The following FAF1 variants were observed in gnomAD, a reference collection of about 807,000 sequenced individuals.
FAF1 encodes the protein FAS-associated factor 1.
A neutral mutation model predicts 92.5 loss-of-function variants in FAF1; 25 were observed. The observed-to-expected ratio is 0.27, with a 90% CI of 0.20 to 0.38. The LOEUF (loss-of-function observed/expected upper bound fraction) is 0.38, where lower values mean the gene tolerates loss of function less well. Ranked by LOEUF, FAF1 falls within the 10% of genes least tolerant of loss-of-function variation. The pLI, the probability that FAF1 is intolerant of heterozygous loss-of-function variation, is 1.00. For missense variants in FAF1, 636 were observed against 793.3 expected (o/e 0.80, Z 2.38); for synonymous variants, 234 against 273.2 (o/e 0.86, Z 1.42).
At chr1:50,614,869 C>A (rs1158893884) in intron 8 of FAF1, among the ~76,000 whole-genome samples, 1 of 149,468 alleles carries the variant, frequency 6.7e-6, no homozygotes, top group Non-Finnish European at 1.5e-5. Context: ...AGTTTCCCAG[C>A]AAAATGAGAA....
chr1:50,772,135 T>C (rs1324482223), intron 4 of FAF1, among the ~76,000 whole-genome samples: 3 of 152,156 alleles, frequency 2.0e-5, no homozygotes, highest in Non-Finnish European at 4.4e-5. Context: ...TCTTTTAATG[T>C]ATAATACCAT....
At chr1:50,615,357 T>A (rs1457551126) in intron 8 of FAF1, among the ~76,000 whole-genome samples, 2 of 152,144 alleles carry the variant, frequency 1.3e-5, no homozygotes, top group Admixed American at 1.3e-4. Context: ...TTTGGTACAA[T>A]AATCTATTTG....
intron 1 of FAF1, among the ~76,000 whole-genome samples, chr1:50,941,324 C>G (rs1645130964): frequency 6.6e-6 from 1 of 152,150 alleles, no homozygotes; most frequent in Non-Finnish European, 1.5e-5. Flanking sequence ...ATTCTCGTGT[C>G]TCAGCCTCCC....
chr1:50,486,545 G>A (rs1477997586), intron 17 of FAF1, among the ~76,000 whole-genome samples: 3 of 150,892 alleles, frequency 2.0e-5, no homozygotes, highest in Non-Finnish European at 2.9e-5. Context: ...ACATCTCTAC[G>A]GGCGCACCGT....
intron 6 of FAF1, chr1:50,714,936 C>T: frequency 2.6e-6 from 1 of 388,610 alleles, no homozygotes; most frequent in Non-Finnish European, 5.0e-6. Context: ...ATATACACAT[C>T]CAAATTTGAA....
At position 50,835,316 on chromosome 1, in the gene FAF1, G is replaced by T. The variant is rs1644190293; in HGVS notation, c.114+22613C>A. 1.3e-5 allele frequency among the ~76,000 whole-genome samples: 2 copies of T among 152,112 alleles called. 1 individual carries two copies. Among genetic ancestry groups the T allele is most frequent in the Admixed American group, 1.3e-4 (2 of 15,256 alleles). ...AATCCAAACTGAGACTTAAGCAATG[G>T]TAGTGTTATAAAAAGTTAAGAGAAA... On this transcript the variant is annotated intron_variant, in intron 2 of 18. Transcript: ENST00000396153.
At chr1:50,714,980 T>A (rs1202651630) in intron 6 of FAF1, 8 of 428,504 alleles carry the variant, frequency 1.9e-5, no homozygotes, top group Non-Finnish European at 3.7e-5. Context: ...TCAAACACTG[T>A]AACAGATATA....
chr1:50,951,000 G>A (rs1182808756), intron 1 of FAF1, among the ~76,000 whole-genome samples: 2 of 152,230 alleles, frequency 1.3e-5, no homozygotes, highest in Non-Finnish European at 2.9e-5. Context: ...GGAGGCCGAG[G>A]CGGGCAGACC....
intron 12 of FAF1, among the ~76,000 whole-genome samples, chr1:50,579,485 T>A (rs1207140176): frequency 6.6e-6 from 1 of 152,180 alleles, no homozygotes. Context: ...AATTAGATAT[T>A]CTTTCAAACA....
intron 4 of FAF1, among the ~76,000 whole-genome samples, chr1:50,784,294 C>A (rs371848278): frequency 1.1e-4 from 17 of 151,240 alleles, no homozygotes; most frequent in Admixed American, 2.0e-4. Context: ...AAGGATTCTA[C>A]CAAAGAAAAA....
At chr1:50,782,445 CAAAA>C (rs1300360967) in intron 4 of FAF1, among the ~76,000 whole-genome samples, 1 of 151,810 alleles carries the variant, frequency 6.6e-6, no homozygotes, top group Non-Finnish European at 1.5e-5. Flanking sequence ...AATTTCAAAA[CAAAA>C]AAGCTTACAG....
intron 9 of FAF1, among the ~76,000 whole-genome samples, chr1:50,594,808 T>C (rs1412365743): frequency 2.0e-5 from 3 of 148,712 alleles, no homozygotes; most frequent in Admixed American, 6.7e-5. Flanking sequence ...GAGGTGGAGG[T>C]TGCAGTGAGC....
At chr1:50,875,538 C>T (rs1644564302) in intron 1 of FAF1, among the ~76,000 whole-genome samples, 1 of 151,970 alleles carries the variant, frequency 6.6e-6, no homozygotes, top group South Asian at 2.1e-4. Flanking sequence ...CTGCAACCTC[C>T]CTCTCCCAGG....
intron 18 of FAF1, chr1:50,462,176 T>C (rs1005280643): frequency 6.6e-6 from 1 of 151,916 alleles, no homozygotes. Context: ...TTCTGCTTTG[T>C]ATCCTTTTGC....
chr1:50,838,747 A>C (rs1644232558), intron 2 of FAF1, among the ~76,000 whole-genome samples: 3 of 152,014 alleles, frequency 2.0e-5, no homozygotes, highest in African/African-American at 7.2e-5. Flanking sequence ...TTTTATTTTG[A>C]AAACTCCTTA....
At chr1:50,478,015 C>T (rs2149000550) in intron 17 of FAF1, among the ~76,000 whole-genome samples, 1 of 152,304 alleles carries the variant, frequency 6.6e-6, no homozygotes, top group South Asian at 2.1e-4. Context: ...TATGACTCCT[C>T]CTTGCACTAA....
At chr1:50,816,172 C>T (rs1643971485) in intron 2 of FAF1, among the ~76,000 whole-genome samples, 1 of 148,818 alleles carries the variant, frequency 6.7e-6, no homozygotes, top group Non-Finnish European at 1.5e-5. Flanking sequence ...AGCGGTCATT[C>T]ACGTCTTTTG....
At chr1:50,498,966 G>A (rs908012363) in intron 15 of FAF1, among the ~76,000 whole-genome samples, 1 of 151,958 alleles carries the variant, frequency 6.6e-6, no homozygotes, top group Admixed American at 6.6e-5. Flanking sequence ...GCCAAAAGGT[G>A]GAAATAATCC....
At chr1:50,574,073 C>A (rs927357160) in intron 12 of FAF1, among the ~76,000 whole-genome samples, 1 of 152,114 alleles carries the variant, frequency 6.6e-6, no homozygotes, top group African/African-American at 2.4e-5. Flanking sequence ...TTGTAGTGAG[C>A]TGAAATTGTG....
Sources: gnomAD v4.1 joint callset for allele counts (sites outside exome capture counted in the v4.1 genomes callset) on GRCh38, gnomAD v4.1.1 for gene constraint, MANE v1.5 for transcripts, NCBI Gene and HGNC (gene_info 2026-07-23, HGNC 2026-07-21) for gene names.